RPGR: variants seen among roughly 807,000 people sequenced by gnomAD.
RPGR encodes X-linked retinitis pigmentosa GTPase regulator.
In RPGR, 10 loss-of-function variants were observed where a neutral mutation model predicts 56.3. The ratio of observed to expected loss-of-function variants is 0.18; its 90% CI spans 0.11 to 0.30. The LOEUF (loss-of-function observed/expected upper bound fraction) is 0.30. Among genes scored for constraint, RPGR ranks in the 10% least tolerant of loss-of-function variants. The pLI is 1.00. For missense variants in RPGR, 538 were observed against 590.9 expected (o/e 0.91, Z 0.93); for synonymous variants, 197 against 212.9 (o/e 0.93, Z 0.65).
intron 8 of RPGR, chrX:38,302,803 C>CTTTTTTTTTTTTTTT (rs1289293091): frequency 6.9e-5 from 6 of 87,340 alleles, no homozygotes; most frequent in Middle Eastern, 6.2e-3. Flanking sequence ...TTTAGACTAC[C>CTTTTTTTTTTTTTTT]TTTTTTTTTT....
chrX:38,309,822 C>A (rs2067678058), intron 7 of RPGR, among the ~76,000 whole-genome samples: 1 of 110,422 alleles, frequency 9.1e-6, no homozygotes, highest in Non-Finnish European at 1.9e-5. Flanking sequence ...GAGCGAAACT[C>A]CGTCTCAAAA....
chrX:38,299,842 T>C (rs1268060303), intron 9 of RPGR, among the ~76,000 whole-genome samples: 1 of 111,934 alleles, frequency 8.9e-6, no homozygotes, highest in Non-Finnish European at 1.9e-5. Flanking sequence ...AATTTATATA[T>C]ATTTTTGTAT....
chrX:38,284,008 G>A (rs1295771574), intron 15 of RPGR, among the ~76,000 whole-genome samples: 1 of 111,947 alleles, frequency 8.9e-6, no homozygotes, highest in Non-Finnish European at 1.9e-5. Context: ...GTTAGGGGAA[G>A]CTGCCAGAGA....
intron 7 of RPGR, among the ~76,000 whole-genome samples, chrX:38,310,170 G>A (rs1262607592): frequency 1.8e-5 from 2 of 110,543 alleles, no homozygotes; most frequent in Non-Finnish European, 3.8e-5. Context: ...GCTCAGGCTG[G>A]TCTCGAACTC....
intron 15 of RPGR, among the ~76,000 whole-genome samples, 189 bp downstream of exon 15, chrX:38,284,219 T>C (rs1003637452): frequency 1.8e-5 from 2 of 111,319 alleles, no homozygotes; most frequent in African/African-American, 6.5e-5. Flanking sequence ...GCCCAGGATA[T>C]AAAAGGGACT....
At position 38,318,110 on chromosome X, in the gene RPGR, T is replaced by C. The variant is rs187559552; in HGVS notation, c.470-645A>G. On this transcript the variant is annotated intron_variant, in intron 5 of 18. Coordinates refer to ENST00000642395, the MANE Select transcript of RPGR (RefSeq NM_000328.3). ...GAAAAATATTTTAGAAAGGAATTAT[T>C]AAGACTTATTTATTTATATATTTTA... 6.3e-3 allele frequency among the ~76,000 whole-genome samples: 707 copies of C among 111,590 alleles called. 6 individuals carry two copies. Among genetic ancestry groups the C allele is most frequent in the Middle Eastern group, 0.037 (8 of 217 alleles).
At chrX:38,272,771 C>T (rs945665240) in intron 18 of RPGR, among the ~76,000 whole-genome samples, 4 of 111,101 alleles carry the variant, frequency 3.6e-5, no homozygotes, top group Non-Finnish European at 7.5e-5. Context: ...TAACTGTCAA[C>T]GAGCCACACT....
rs779230198 is a variant in RPGR at position 38,317,373 on chromosome X, T to TCAA, written c.561_562insTTG (p.Thr187_Ile188insLeu). 8.3e-7 allele frequency: 1 copy of TCAA among 1,209,337 alleles called. No individual in the cohort carries two copies. The highest frequency in any genetic ancestry group is 2.2e-5 in the Admixed American group (1 of 46,019). On this transcript the variant is annotated inframe_insertion, in exon 6 of 19. Coordinates refer to ENST00000642395, the MANE Select transcript of RPGR (RefSeq NM_000328.3). ...GAGATCCAGGAGACAGGTTTCCCAA[T>TCAA]GGTCACTTGCTGAGGGACACAGACA...
Position 38,310,736 on chromosome X carries a change from A to G in RPGR, c.657T>C (p.Asn219=), listed in dbSNP as rs2067701109. The change falls in exon 7 of 19, where the codon AAT becomes AAC. Residue 219 remains asparagine, a synonymous_variant. Transcript: ENST00000642395. Reference sequence around the variant, plus strand: ...GCTGATTGGGAAGACCTAACTTCCCATTCTCAGGTTCTCCAAACACATATA... The same window carrying G: ...GCTGATTGGGAAGACCTAACTTCCCGTTCTCAGGTTCTCCAAACACATATA... 2.5e-6 allele frequency: 3 copies of G among 1,211,056 alleles called. No homozygotes were observed. The highest frequency in any genetic ancestry group is 3.4e-6 in the Non-Finnish European group (3 of 895,194).
chrX:38,315,842 G>T (rs761573400), intron 6 of RPGR, among the ~76,000 whole-genome samples: 2,216 of 101,437 alleles, frequency 0.022, 26 homozygotes, highest in South Asian at 0.048. Context: ...TATATATAGA[G>T]AGAGAGAGAG....
chrX:38,276,455 T>C (rs1328774150), intron 16 of RPGR: 8 of 635,215 alleles, frequency 1.3e-5, no homozygotes, highest in Non-Finnish European at 2.0e-5. Flanking sequence ...TTATGGCACA[T>C]GAATTCATGT....
rs539232114 is a variant in RPGR, at chrX:38,299,370, A to T, written c.1060-229T>A. Among the ~76,000 whole-genome samples the T allele has an allele frequency of 6.4e-4, 72 of 112,469 alleles. 1 individual carries two copies. Among genetic ancestry groups the T allele is most frequent in the African/African-American group, 2.3e-3 (70 of 31,012 alleles). On this transcript the variant is annotated intron_variant, in intron 9 of 18. Transcript: ENST00000642395. ...ATATTCTTTAAACATTGTGATTGAA[A>T]ATTAGAACAAGTTTAATCCACCATT...
chrX:38,316,712 G>A (rs1343101911), intron 6 of RPGR, among the ~76,000 whole-genome samples: 4 of 111,425 alleles, frequency 3.6e-5, no homozygotes, highest in Non-Finnish European at 7.5e-5. Context: ...CTCTCTCTTG[G>A]TATCATGCTG....
chrX:38,299,236 T>A, intron 9 of RPGR, 95 bp from the exon 10 acceptor site: 1 of 900,722 alleles, frequency 1.1e-6, no homozygotes, highest in Non-Finnish European at 1.6e-6. Context: ...TATTTAGTGG[T>A]AGGCTTCCTA....
chrX:38,314,882 A>G (rs2067788052), intron 6 of RPGR, among the ~76,000 whole-genome samples: 1 of 111,786 alleles, frequency 8.9e-6, no homozygotes. Context: ...CAGAGTTACC[A>G]TATGATCCAG....
chrX:38,320,955 A>G, intron 4 of RPGR, 72 bp downstream of exon 4: 1 of 820,701 alleles, frequency 1.2e-6, no homozygotes, highest in Middle Eastern at 2.8e-4. Context: ...TTAATTTTAC[A>G]AAGCCACGTT....
intron 8 of RPGR, among the ~76,000 whole-genome samples, chrX:38,302,995 A>G (rs2067532087): frequency 9.1e-6 from 1 of 109,664 alleles, no homozygotes; most frequent in Non-Finnish European, 1.9e-5. Flanking sequence ...TATAGTAGAG[A>G]TGGGGTTTCA....
At position 38,315,441 on chromosome X, in the gene RPGR, C is replaced by T. The variant is rs911170042; in HGVS notation, c.619+1875G>A. ...ACGTGGATGGAACTGGAAGTCATTA[C>T]GTTAAATGAAATAAAACAGGCACAG... On this transcript the variant is annotated intron_variant, in intron 6 of 18. Transcript: ENST00000642395. Among the ~76,000 whole-genome samples, 100 of 111,752 alleles carry T rather than the reference C, an allele frequency of 8.9e-4. 1 individual carries two copies. Among genetic ancestry groups the T allele is most frequent in the African/African-American group, 3.0e-3 (92 of 30,789 alleles).
rs568314365 is a variant in RPGR at position 38,272,889 on chromosome X, G to A, written c.2241+497C>T. Among the ~76,000 whole-genome samples the A allele has an allele frequency of 2.3e-4, 26 of 111,677 alleles. No homozygotes were observed. The South Asian group carries it at 9.2e-3, about 40-fold the overall frequency. On this transcript the variant is annotated intron_variant, in intron 18 of 18. Coordinates refer to ENST00000642395, the MANE Select transcript of RPGR (RefSeq NM_000328.3). ...TAGGAACTTCCAAAATATTTCTTCA[G>A]GAAGAATAAGAATTCCAGAGGGGAC...
Sources: allele counts gnomAD v4.1 joint callset (sites outside exome capture counted in the v4.1 genomes callset), GRCh38; gene constraint gnomAD v4.1.1; transcripts MANE v1.5; gene names NCBI Gene and HGNC (gene_info 2026-07-23, HGNC 2026-07-21).